Variants in MED13 observed in about 807,000 individuals in gnomAD.
MED13 encodes mediator of RNA polymerase II transcription subunit 13.
Under a neutral mutation model 225.2 loss-of-function variants are expected in MED13, and 23 were observed. The ratio of observed to expected loss-of-function variants is 0.10; its 90% confidence interval spans 0.07 to 0.14. The LOEUF (loss-of-function observed/expected upper bound fraction) is 0.14, where lower values mean the gene tolerates loss of function less well. MED13 is among the 10% of genes least tolerant of loss of function. The probability of loss-of-function intolerance (pLI) is 1.00; values close to 1 mark genes in which losing one functional copy is unlikely to be tolerated. For missense variants in MED13, 2,197 were observed against 2,594.5 expected, an observed-to-expected ratio of 0.85 and a Z score of 3.33; for synonymous variants, 942 against 889.2, an observed-to-expected ratio of 1.06 and a Z score of -1.06.
chr17:62,003,738 G>C (rs1475425807), intron 9 of MED13: 3 of 147,372 alleles, frequency 2.0e-5, no homozygotes, highest in Non-Finnish European at 4.5e-5. Context: ...TTTTTCCCTT[G>C]TCTATAAGGC....
intron 2 of MED13, among the ~76,000 whole-genome samples, chr17:62,057,498 T>G (rs2081004963): frequency 6.6e-6 from 1 of 152,096 alleles, no homozygotes; most frequent in Admixed American, 6.6e-5. Context: ...CACAAGTAAA[T>G]TTTACAATAG....
At chr17:61,961,158 A>C in intron 22 of MED13, 68 bp from the exon 23 acceptor site, 1 of 1,252,296 alleles carries the variant, frequency 8.0e-7, no homozygotes, top group Non-Finnish European at 1.1e-6. Flanking sequence ...TTTAAAATGT[A>C]ATTCTTATCT....
At chr17:62,005,391 A>C (rs2080436940) in intron 9 of MED13, 1 of 152,160 alleles carries the variant, frequency 6.6e-6, no homozygotes, top group African/African-American at 2.4e-5. Flanking sequence ...TGATCACTTG[A>C]GATCAGGAGT....
At chr17:61,986,172 T>C (rs2080245849) in intron 12 of MED13, among the ~76,000 whole-genome samples, 1 of 152,176 alleles carries the variant, frequency 6.6e-6, no homozygotes, top group Non-Finnish European at 1.5e-5. Context: ...AGTTGCCTAG[T>C]AAAGGGTGCC....
At chr17:61,952,029 C>G (rs1555629995) in intron 27 of MED13, among the ~76,000 whole-genome samples, 1 of 152,088 alleles carries the variant, frequency 6.6e-6, no homozygotes, top group African/African-American at 2.4e-5. Context: ...TCCTGAGTAG[C>G]TGGGAGTACA....
rs750679435 is a variant in MED13, at chr17:61,985,038, T to C, written c.2438A>G (p.Glu813Gly). Residue 813 changes from glutamate (E) to glycine (G), a missense_variant, in exon 13 of 30, where the codon GAA becomes GGA. Glu to Gly is a moderately conservative substitution (Grantham distance 98). This residue lies in a region of MED13 where 41 missense variants were observed against 55.8 expected (regional missense o/e 0.73). Coordinates refer to ENST00000397786, the MANE Select transcript of MED13 (RefSeq NM_005121.3). ...NGSDDKASCK[E>G]SKTGNLDPLS... Reference sequence around the variant, plus strand: ...CGGGTCCAGATTTCCTGTCTTTGATTCCTTGCAGCTGGCTTTATCATCTGA... The same window carrying C: ...CGGGTCCAGATTTCCTGTCTTTGATCCCTTGCAGCTGGCTTTATCATCTGA... 6.2e-7 allele frequency: 1 copy of C among 1,614,066 alleles called. No individual in the cohort carries two copies. Among genetic ancestry groups the C allele is most frequent in the Admixed American group, 1.7e-5 (1 of 60,016 alleles).
chr17:62,010,734 C>G lies in MED13; in HGVS notation c.1783G>C (p.Glu595Gln). 3 of 1,613,346 alleles carry G rather than the reference C, an allele frequency of 1.9e-6. No homozygotes were observed. Among genetic ancestry groups the G allele is most frequent in the Non-Finnish European group, 2.5e-6 (3 of 1,179,598 alleles). Residue 595 changes from glutamate (E) to glutamine (Q), a missense_variant, in exon 9 of 30, where the codon GAA (glutamate) becomes CAA (glutamine). Glu to Gln is a conservative substitution (Grantham distance 29). This residue lies in a region of MED13 where 884 missense variants were observed against 918.5 expected (regional missense o/e 0.96). Transcript: ENST00000397786. ...SFPPQYQEAV[E>Q]PTVYVGTAVN... ...GCTGTACCAACATATACTGTAGGTT[C>G]TACAGCTTCCTGATATTGAGGTGGG...
Position 61,955,517 on chromosome 17 carries a change from G to C in MED13, c.5833C>G (p.Gln1945Glu). The C allele has an allele frequency of 6.3e-7, 1 of 1,589,084 alleles. No homozygotes were observed. The highest frequency in any genetic ancestry group is 8.5e-7 in the Non-Finnish European group (1 of 1,171,560). The change falls in exon 26 of 30, where the codon CAG becomes GAG. Residue 1945 changes from glutamine (Q) to glutamate (E), a missense_variant. Physicochemically the swap from Gln to Glu is conservative, Grantham distance 29. This residue lies in a region of MED13 where 216 missense variants were observed against 388.9 expected (regional missense o/e 0.56). Transcript: ENST00000397786. ...TGTGGGGTATTTAGCTGAGATGTCTGCATATTTAGAGTCGTGCTTCTTCCA... is the reference window on the plus strand; with the variant it reads ...TGTGGGGTATTTAGCTGAGATGTCTCCATATTTAGAGTCGTGCTTCTTCCA... The part of the protein sequence containing the change: ...VFGRSTTLNM[Q>E]TSQLNTPQDT...
chr17:61,970,100 T>C (rs552843253), intron 17 of MED13, among the ~76,000 whole-genome samples: 8 of 152,214 alleles, frequency 5.3e-5, no homozygotes, highest in Non-Finnish European at 1.0e-4. Context: ...TTCAAAGCTC[T>C]TTGCATGTAC....
chr17:62,047,696 T>C (rs992377732), intron 3 of MED13, among the ~76,000 whole-genome samples: 1 of 151,976 alleles, frequency 6.6e-6, no homozygotes, highest in African/African-American at 2.4e-5. Flanking sequence ...GTTCTGCACA[T>C]GTATTGCAGA....
At chr17:62,009,445 G>A (rs2080485648) in intron 9 of MED13, among the ~76,000 whole-genome samples, 1 of 152,146 alleles carries the variant, frequency 6.6e-6, no homozygotes, top group Admixed American at 6.5e-5. Flanking sequence ...CACAGAACAG[G>A]AAACCTAAAT....
intron 3 of MED13, among the ~76,000 whole-genome samples, chr17:62,050,741 C>T (rs1304305026): frequency 1.3e-5 from 2 of 152,130 alleles, no homozygotes; most frequent in African/African-American, 2.4e-5. Context: ...CAGTGGCTCA[C>T]GCCTGTAATC....
chr17:62,046,172 A>G (rs1461842050), intron 3 of MED13, among the ~76,000 whole-genome samples: 1 of 152,186 alleles, frequency 6.6e-6, no homozygotes, highest in East Asian at 1.9e-4. Flanking sequence ...ATCTTTATCT[A>G]CCTTCCCTAT....
chr17:62,058,539 A>AAAAAAAAAAG (rs2081013612), intron 2 of MED13, among the ~76,000 whole-genome samples: 1 of 146,358 alleles, frequency 6.8e-6, no homozygotes, highest in Non-Finnish European at 1.5e-5. Context: ...AAAAAAAAAA[A>AAAAAAAAAAG]AAAGAAAGAA....
chr17:62,053,462 T>C (rs2080972779), intron 2 of MED13, among the ~76,000 whole-genome samples: 1 of 152,200 alleles, frequency 6.6e-6, no homozygotes, highest in Non-Finnish European at 1.5e-5. Flanking sequence ...AAAAAAACAT[T>C]AACACAGTCA....
In MED13 at chr17:61,963,056, CT is replaced by C. The variant is rs2080017524; in HGVS notation, c.4845-86del. ...TAAGCAGGTTCTTAATATCCCCCTCCTCCCTCTTTTTTGGTGAAAGGTGTCA... is the reference window on the plus strand; with the variant it reads ...TAAGCAGGTTCTTAATATCCCCCTCCCCCTCTTTTTTGGTGAAAGGTGTCA... On this transcript the variant is annotated intron_variant, in intron 20 of 29. Coordinates refer to ENST00000397786, the MANE Select transcript of MED13 (RefSeq NM_005121.3). 3 of 1,093,150 alleles carry C rather than the reference CT, an allele frequency of 2.7e-6. No homozygotes were observed. The South Asian group carries it at 4.1e-5, about 15-fold the overall frequency. 67.7% of individuals were successfully genotyped at this position (1,093,150 alleles called of 1,614,324 possible).
intron 11 of MED13, 33 bp downstream of exon 11, chr17:61,992,507 T>C (rs763938636): frequency 1.7e-5 from 22 of 1,329,640 alleles, no homozygotes; most frequent in Non-Finnish European, 2.3e-5. Flanking sequence ...AATCCTGGAA[T>C]GCAATATTTT....
At chr17:61,996,053 A>C (rs746949774) in intron 9 of MED13, among the ~76,000 whole-genome samples, 9 of 152,198 alleles carry the variant, frequency 5.9e-5, no homozygotes, top group Non-Finnish European at 1.3e-4. Flanking sequence ...TAACCAATAA[A>C]ATGACAGGAG....
intron 23 of MED13, among the ~76,000 whole-genome samples, chr17:61,957,362 T>A (rs530940768): frequency 2.1e-4 from 31 of 144,372 alleles, no homozygotes; most frequent in African/African-American, 5.2e-4. Context: ...TTTTATTTTT[T>A]TTTTTGAGAC....
Sources: gnomAD v4.1 joint callset for allele counts (sites outside exome capture counted in the v4.1 genomes callset) on GRCh38, gnomAD v4.1.1 for gene constraint, gnomAD v4.1.1 regional missense constraint, MANE v1.5 for transcripts, NCBI Gene and HGNC (gene_info 2026-07-23, HGNC 2026-07-21) for gene names.